The following MARCHF1 variants were observed in gnomAD, a reference collection of about 807,000 sequenced individuals.
The protein encoded by MARCHF1 is E3 ubiquitin-protein ligase MARCHF1.
In MARCHF1, 40 loss-of-function variants were observed where a neutral mutation model predicts 54.2. That is an observed-to-expected ratio of 0.74 (90% CI 0.57 to 0.96). The LOEUF is 0.96. MARCHF1 is among the 40% of genes least tolerant of loss of function. The pLI is 0.00. For missense variants in MARCHF1, 586 were observed against 656.5 expected (o/e 0.89, Z 1.17); for synonymous variants, 236 against 236.3 (o/e 1.00, Z 0.01).
At chr4:163,744,247 A>G (rs976186942) in intron 4 of MARCHF1, among the ~76,000 whole-genome samples, 2 of 151,158 alleles carry the variant, frequency 1.3e-5, no homozygotes, top group Non-Finnish European at 3.0e-5. Flanking sequence ...TTTCGAACCA[A>G]TTTTTTTTTA....
intron 1 of MARCHF1, among the ~76,000 whole-genome samples, chr4:164,117,087 G>A (rs952648131): frequency 3.3e-5 from 5 of 151,658 alleles, no homozygotes; most frequent in East Asian, 3.9e-4. Context: ...GTGAAACCTC[G>A]TCTCTACTAA....
intron 1 of MARCHF1, among the ~76,000 whole-genome samples, chr4:164,141,256 A>T (rs1269155659): frequency 6.6e-6 from 1 of 152,168 alleles, no homozygotes; most frequent in Non-Finnish European, 1.5e-5. Flanking sequence ...TTTTCCTGTC[A>T]GCTAATATTT....
chr4:164,039,323 A>G (rs984499477), intron 2 of MARCHF1, among the ~76,000 whole-genome samples: 7 of 152,194 alleles, frequency 4.6e-5, no homozygotes, highest in African/African-American at 1.7e-4. Context: ...GAGTAGCAAC[A>G]TATATTGATT....
intron 1 of MARCHF1, among the ~76,000 whole-genome samples, chr4:164,124,689 T>C (rs527947253): frequency 1.5e-4 from 23 of 152,182 alleles, no homozygotes; most frequent in South Asian, 4.1e-4. Context: ...AAGGCAAACA[T>C]TGCATGTTCT....
chr4:163,688,732 A>G (rs2111189465), intron 5 of MARCHF1, among the ~76,000 whole-genome samples: 1 of 152,316 alleles, frequency 6.6e-6, no homozygotes, highest in Non-Finnish European at 1.5e-5. Context: ...GAGTATCAGT[A>G]GAGAGCATTC....
intron 1 of MARCHF1, among the ~76,000 whole-genome samples, chr4:164,331,902 T>C (rs1271979549): frequency 6.6e-6 from 1 of 152,178 alleles, no homozygotes; most frequent in Non-Finnish European, 1.5e-5. Context: ...CGTTTAGAAA[T>C]CATTTTAATA....
chr4:163,824,812 C>A (rs1328476617), intron 4 of MARCHF1, among the ~76,000 whole-genome samples: 1 of 111,190 alleles, frequency 9.0e-6, no homozygotes, highest in East Asian at 2.7e-4. Context: ...CAAACAACCC[C>A]ATCAAAAAGT....
intron 2 of MARCHF1, among the ~76,000 whole-genome samples, chr4:163,993,087 T>C (rs1171935128): frequency 6.6e-6 from 1 of 152,094 alleles, no homozygotes. Context: ...GAACTTGAAT[T>C]TAAAGGTATT....
At chr4:164,178,267 T>A (rs1475855205) in intron 1 of MARCHF1, among the ~76,000 whole-genome samples, 1 of 152,166 alleles carries the variant, frequency 6.6e-6, no homozygotes, top group Non-Finnish European at 1.5e-5. Flanking sequence ...CAAGTAACTT[T>A]AGTTTGGAGA....
intron 1 of MARCHF1, among the ~76,000 whole-genome samples, chr4:164,267,841 G>A (rs1733647863): frequency 6.6e-6 from 1 of 152,116 alleles, no homozygotes; most frequent in Admixed American, 6.6e-5. Flanking sequence ...AGTGGACAGA[G>A]AAAATGTTCC....
intron 3 of MARCHF1, among the ~76,000 whole-genome samples, chr4:163,876,610 A>C (rs1398948875): frequency 1.3e-5 from 2 of 148,732 alleles, no homozygotes; most frequent in African/African-American, 4.8e-5. Flanking sequence ...AACAGGATCA[A>C]GGTAAGGCAC....
At chr4:163,529,382 TA>T (rs1461429235) in intron 9 of MARCHF1, among the ~76,000 whole-genome samples, 1 of 152,058 alleles carries the variant, frequency 6.6e-6, no homozygotes, top group Non-Finnish European at 1.5e-5. Flanking sequence ...CCCTTATAGC[TA>T]GACTTTTAAG....
At chr4:164,090,808 T>C (rs547872114) in intron 2 of MARCHF1, among the ~76,000 whole-genome samples, 12 of 151,874 alleles carry the variant, frequency 7.9e-5, no homozygotes, top group Non-Finnish European at 1.8e-4. Flanking sequence ...ATCAGAAAGT[T>C]TGTGAGGCTT....
intron 4 of MARCHF1, among the ~76,000 whole-genome samples, chr4:163,747,160 T>A (rs986559794): frequency 2.6e-5 from 4 of 152,226 alleles, no homozygotes; most frequent in African/African-American, 9.6e-5. Context: ...TTCACCGTAC[T>A]ACAAAGAAAA....
chr4:164,265,459 A>G (rs1425681246), intron 1 of MARCHF1, among the ~76,000 whole-genome samples: 1 of 144,718 alleles, frequency 6.9e-6, no homozygotes, highest in African/African-American at 2.7e-5. Flanking sequence ...CCTGGCTAAT[A>G]GTAGGCACCT....
intron 7 of MARCHF1, among the ~76,000 whole-genome samples, chr4:163,604,419 A>G (rs1443913869): frequency 2.6e-5 from 4 of 152,056 alleles, no homozygotes; most frequent in African/African-American, 9.7e-5. Context: ...TTCGTGACCA[A>G]TTCTTGCTTG....
At chr4:163,706,249 T>C (rs768834480) in intron 4 of MARCHF1, among the ~76,000 whole-genome samples, 34 of 152,010 alleles carry the variant, frequency 2.2e-4, no homozygotes, top group Non-Finnish European at 3.5e-4. Context: ...ATGGAAACTA[T>C]CAGGGCAAGA....
At chr4:164,058,807 G>T (rs1754549692) in intron 2 of MARCHF1, among the ~76,000 whole-genome samples, 1 of 152,196 alleles carries the variant, frequency 6.6e-6, no homozygotes, top group Non-Finnish European at 1.5e-5. Flanking sequence ...GGGGGGAATG[G>T]TTGGTAAAGT....
chr4:163,900,727 T>C (rs1750921805), intron 3 of MARCHF1, among the ~76,000 whole-genome samples: 1 of 152,120 alleles, frequency 6.6e-6, no homozygotes, highest in Non-Finnish European at 1.5e-5. Context: ...TTTAATTCAG[T>C]TTGGTCTAAC....
Sources: allele counts gnomAD v4.1 joint callset (sites outside exome capture counted in the v4.1 genomes callset), GRCh38; gene constraint gnomAD v4.1.1; transcripts MANE v1.5; gene names NCBI Gene and HGNC (gene_info 2026-07-23, HGNC 2026-07-21).